MAGI1: variants seen among roughly 807,000 people sequenced by gnomAD.
MAGI1 encodes the protein membrane-associated guanylate kinase, WW and PDZ domain-containing protein 1.
Under a neutral mutation model 139.9 loss-of-function variants are expected in MAGI1, and 58 were observed. That is an observed-to-expected ratio of 0.41 (90% CI 0.34 to 0.52). MAGI1 has a LOEUF of 0.52. Among genes scored for constraint, MAGI1 ranks in the 20% least tolerant of loss-of-function variants. MAGI1 has a pLI of 0.12. For synonymous variants in MAGI1, 812 were observed against 737.9 expected (o/e 1.10, Z -1.63); for missense variants, 1,874 against 1,901.6 (o/e 0.99, Z 0.27).
intron 2 of MAGI1, among the ~76,000 whole-genome samples, chr3:65,587,054 G>T (rs1436228428): frequency 6.6e-6 from 1 of 152,064 alleles, no homozygotes; most frequent in East Asian, 1.9e-4. Flanking sequence ...GCTGTGTGAG[G>T]GCTTTGCTTT....
At chr3:65,887,389 GAA>G (rs11364374) in intron 1 of MAGI1, among the ~76,000 whole-genome samples, 10,817 of 121,284 alleles carry the variant, frequency 0.089, 433 homozygotes, top group Middle Eastern at 0.21. Flanking sequence ...ACTGATACCA[GAA>G]AAAAAAAAAA....
chr3:65,939,562 C>A (rs1035455276), intron 1 of MAGI1, among the ~76,000 whole-genome samples: 2 of 152,126 alleles, frequency 1.3e-5, no homozygotes, highest in African/African-American at 4.8e-5. Flanking sequence ...AAAAATATTT[C>A]AATGGTGAAT....
chr3:65,993,524 T>C (rs1407755897), intron 1 of MAGI1, among the ~76,000 whole-genome samples: 3 of 152,342 alleles, frequency 2.0e-5, no homozygotes, highest in Admixed American at 6.5e-5. Context: ...GGGGCACTAA[T>C]TGGGTGCCAA....
chr3:65,694,912 G>T (rs577402540), intron 1 of MAGI1, among the ~76,000 whole-genome samples: 1 of 152,222 alleles, frequency 6.6e-6, no homozygotes, highest in East Asian at 1.9e-4. Flanking sequence ...TTTTCCTACT[G>T]AATTACTTTT....
rs182373796 is a variant in MAGI1 at position 65,838,474 on chromosome 3, A to C, written c.313+199522T>G. Among the ~76,000 whole-genome samples the C allele has an allele frequency of 4.6e-5, 7 of 152,378 alleles. No homozygotes were observed. The East Asian group carries it at 1.3e-3, about 29-fold the overall frequency. Reference sequence around the variant, plus strand: ...ATCATTTCAAGAATATTACATAAATAGAATCATACAATATATGACCTTTAG... The same window carrying C: ...ATCATTTCAAGAATATTACATAAATCGAATCATACAATATATGACCTTTAG... On this transcript the variant is annotated intron_variant, in intron 1 of 22. Coordinates refer to ENST00000402939, the MANE Select transcript of MAGI1 (RefSeq NM_001033057.2).
chr3:65,514,124 GATCCCTTCCTT>G (rs1559626442), intron 2 of MAGI1, among the ~76,000 whole-genome samples: 2 of 150,068 alleles, frequency 1.3e-5, no homozygotes, highest in Non-Finnish European at 3.0e-5. Context: ...GCTGAAACTG[GATCCCTTCCTT>G]ATACCTTATA....
At chr3:65,633,838 A>G (rs2084446331) in intron 1 of MAGI1, among the ~76,000 whole-genome samples, 1 of 152,212 alleles carries the variant, frequency 6.6e-6, no homozygotes. Flanking sequence ...ATGCCCTCGT[A>G]AACAGCTGCA....
intron 1 of MAGI1, among the ~76,000 whole-genome samples, chr3:65,876,267 T>C (rs987337922): frequency 2.4e-4 from 37 of 152,138 alleles, no homozygotes; most frequent in African/African-American, 7.9e-4. Context: ...TGCTACAGTG[T>C]GCTACGATCA....
intron 12 of MAGI1, among the ~76,000 whole-genome samples, chr3:65,423,234 A>G (rs1185676737): frequency 6.6e-6 from 1 of 152,180 alleles, no homozygotes; most frequent in African/African-American, 2.4e-5. Context: ...AAGCAGTACA[A>G]TGTACAATTC....
chr3:65,608,895 G>C (rs994406195), intron 2 of MAGI1, among the ~76,000 whole-genome samples: 1 of 152,024 alleles, frequency 6.6e-6, no homozygotes, highest in African/African-American at 2.4e-5. Context: ...TACAATCAAA[G>C]ACTACACAGC....
intron 2 of MAGI1, among the ~76,000 whole-genome samples, chr3:65,571,267 A>G (rs1045335084): frequency 6.6e-6 from 1 of 152,214 alleles, no homozygotes; most frequent in East Asian, 1.9e-4. Context: ...ATTATTTTAT[A>G]TAAGTTTTCA....
At position 65,453,282 on chromosome 3, in the gene MAGI1, G is replaced by A. The variant is rs762879969; in HGVS notation, c.1018C>T (p.Pro340Ser). ...CCATCATCTTCACACTCTTCCAGTG[G>A]CTTCTGCTGCTTGTTTAGGCACCGA... ...DPRCLNKQQK[P>S]LEECEDDEGV... The change falls in exon 6 of 23, where the codon CCA becomes TCA. Residue 340 changes from proline (P) to serine (S), a missense_variant. Physicochemically the swap from Pro to Ser is moderately conservative, Grantham distance 74. Coordinates refer to ENST00000402939, the MANE Select transcript of MAGI1 (RefSeq NM_001033057.2). 1 of 1,613,178 alleles carries A rather than the reference G, an allele frequency of 6.2e-7. No individual in the cohort carries two copies. The highest frequency in any genetic ancestry group is 1.3e-5 in the African/African-American group (1 of 74,708).
chr3:65,630,591 A>G (rs2084239319), intron 1 of MAGI1, among the ~76,000 whole-genome samples: 1 of 152,244 alleles, frequency 6.6e-6, no homozygotes, highest in African/African-American at 2.4e-5. Flanking sequence ...GCTGGAGGCC[A>G]TTATTCTAAG....
intron 1 of MAGI1, among the ~76,000 whole-genome samples, chr3:66,018,536 G>A (rs1392414093): frequency 6.6e-6 from 1 of 152,158 alleles, no homozygotes; most frequent in Admixed American, 6.5e-5. Context: ...CAGCCGGTAA[G>A]GGCCGGTGAA....
intron 2 of MAGI1, among the ~76,000 whole-genome samples, chr3:65,506,482 G>C (rs2077293129): frequency 6.6e-6 from 1 of 152,052 alleles, no homozygotes; most frequent in Non-Finnish European, 1.5e-5. Context: ...TCCAAGAGGG[G>C]TATATTTTTC....
rs1553718988 is a variant in MAGI1 at position 65,859,894 on chromosome 3, G to GTTTGT, written c.313+178101_313+178102insACAAA. 9.0e-3 allele frequency among the ~76,000 whole-genome samples: 1,314 copies of GTTTGT among 146,800 alleles called. 27 individuals are homozygous for GTTTGT. Among genetic ancestry groups the GTTTGT allele is most frequent in the African/African-American group, 0.032 (1,250 of 39,614 alleles). On this transcript the variant is annotated intron_variant, in intron 1 of 22. Transcript: ENST00000402939. ...TAACCAATCAGGTGTTTTTTTGTTT[G>GTTTGT]TTTTTGTTTTTGTTTTTTTTTTTTT...
In MAGI1 at chr3:65,659,870, CA is replaced by C. The variant is rs754499831; in HGVS notation, c.314-37783del. On this transcript the variant is annotated intron_variant, in intron 1 of 22. Transcript: ENST00000402939. ...CCTGGGTTCTACATTTCTCAACCCC[CA>C]ATCTCCAAATGAGTGGATGGCAAAG... is the stretch of plus-strand genomic sequence containing the variant. 3.5e-4 allele frequency among the ~76,000 whole-genome samples: 53 copies of C among 152,116 alleles called. 2 individuals are homozygous for C. Among genetic ancestry groups the C allele is most frequent in the Admixed American group, 2.6e-4 (4 of 15,276 alleles).
chr3:65,781,884 C>T (rs1357613930), intron 1 of MAGI1, among the ~76,000 whole-genome samples: 1 of 122,058 alleles, frequency 8.2e-6, no homozygotes, highest in Non-Finnish European at 2.0e-5. Context: ...TCTGAACCAT[C>T]TGACTGGGGA....
intron 2 of MAGI1, among the ~76,000 whole-genome samples, chr3:65,499,671 G>A (rs1272014777): frequency 6.6e-6 from 1 of 152,084 alleles, no homozygotes; most frequent in Non-Finnish European, 1.5e-5. Flanking sequence ...CTGAAGGAAT[G>A]CCTTTAATGT....
Sources: allele counts gnomAD v4.1 joint callset (sites outside exome capture counted in the v4.1 genomes callset), GRCh38; gene constraint gnomAD v4.1.1; transcripts MANE v1.5; gene names NCBI Gene and HGNC (gene_info 2026-07-23, HGNC 2026-07-21).